The following CDYL2 variants were observed in gnomAD, a reference collection of about 807,000 sequenced individuals.
CDYL2 encodes the protein chromodomain Y like 2.
A neutral mutation model predicts 49.4 loss-of-function variants in CDYL2; 23 were observed. The observed-to-expected ratio is 0.47, with a 90% CI of 0.34 to 0.66. The LOEUF is 0.66. Among genes scored for constraint, CDYL2 ranks in the 30% least tolerant of loss-of-function variants. CDYL2 has a pLI of 0.01. For missense variants in CDYL2, 678 were observed against 656.4 expected (o/e 1.03, Z -0.36); for synonymous variants, 360 against 268.8 (o/e 1.34, Z -3.32).
intron 1 of CDYL2, among the ~76,000 whole-genome samples, chr16:80,752,951 G>C (rs1249793454): frequency 1.3e-5 from 2 of 152,156 alleles, no homozygotes; most frequent in Non-Finnish European, 2.9e-5. Flanking sequence ...AAAGGATGAG[G>C]GGCAACAGAA....
chr16:80,687,428 A>G (rs1910242066), intron 1 of CDYL2, among the ~76,000 whole-genome samples: 2 of 152,004 alleles, frequency 1.3e-5, no homozygotes, highest in African/African-American at 4.8e-5. Flanking sequence ...ATGAATGGAT[A>G]GATGGATGGT....
intron 1 of CDYL2, among the ~76,000 whole-genome samples, chr16:80,761,902 AG>A (rs1342803895): frequency 1.3e-5 from 2 of 151,200 alleles, no homozygotes; most frequent in African/African-American, 4.9e-5. Context: ...AAAAAAACAA[AG>A]ACTGGCCAGG....
intron 1 of CDYL2, among the ~76,000 whole-genome samples, chr16:80,803,099 C>T (rs986243604): frequency 1.5e-4 from 23 of 152,214 alleles, no homozygotes; most frequent in African/African-American, 4.8e-4. Context: ...CGGCCAACAC[C>T]TCTGAGGCCA....
chr16:80,732,662 C>T (rs1905371229), intron 1 of CDYL2, among the ~76,000 whole-genome samples: 1 of 152,082 alleles, frequency 6.6e-6, no homozygotes, highest in Non-Finnish European at 1.5e-5. Context: ...TTTTAAAATA[C>T]CTGAAATAAC....
intron 2 of CDYL2, among the ~76,000 whole-genome samples, chr16:80,659,003 A>C (rs1908924559): frequency 6.6e-6 from 1 of 152,208 alleles, no homozygotes; most frequent in Non-Finnish European, 1.5e-5. Flanking sequence ...ATAGATTATA[A>C]ACTGTCACAT....
At chr16:80,653,045 T>C (rs943665476) in intron 2 of CDYL2, among the ~76,000 whole-genome samples, 4 of 152,256 alleles carry the variant, frequency 2.6e-5, no homozygotes, top group African/African-American at 9.6e-5. Context: ...GAATACCGGT[T>C]CACCAGTTTC....
rs749195315 is a variant in CDYL2, at chr16:80,679,663, C to G, written c.616+4875G>C. 4 of 455,654 alleles carry G rather than the reference C, an allele frequency of 8.8e-6. No individual in the cohort carries two copies. In the Admixed American group the frequency reaches 9.4e-5, roughly 11 times the overall value. 28.2% of individuals were successfully genotyped at this position (455,654 alleles called of 1,614,324 possible). A position where few individuals can be genotyped will look rare whatever the true frequency, so the allele number is the denominator to read the frequency against. On this transcript the variant is annotated intron_variant, in intron 2 of 6. Coordinates refer to ENST00000570137, the MANE Select transcript of CDYL2 (RefSeq NM_152342.4). ...TACAGCTTTTCATTTCACAAACTTT[C>G]TCTTTACAAAGTCTTATGAATGCCA...
intron 1 of CDYL2, among the ~76,000 whole-genome samples, chr16:80,758,323 C>A (rs538688327): frequency 6.8e-6 from 1 of 147,370 alleles, no homozygotes; most frequent in East Asian, 2.0e-4. Context: ...ATAATAACTA[C>A]AATAATAAAC....
At chr16:80,677,402 C>A (rs932778420) in intron 2 of CDYL2, among the ~76,000 whole-genome samples, 2 of 152,148 alleles carry the variant, frequency 1.3e-5, no homozygotes, top group African/African-American at 4.8e-5. Flanking sequence ...GAGTTAGTCA[C>A]AGCGTTTCAG....
At chr16:80,646,656 G>A (rs1908358958) in intron 2 of CDYL2, among the ~76,000 whole-genome samples, 1 of 152,114 alleles carries the variant, frequency 6.6e-6, no homozygotes, top group African/African-American at 2.4e-5. Flanking sequence ...GGGCAGAGTG[G>A]CGTGTGCCTG....
At chr16:80,760,563 T>C (rs1015842477) in intron 1 of CDYL2, among the ~76,000 whole-genome samples, 7 of 152,134 alleles carry the variant, frequency 4.6e-5, no homozygotes, top group African/African-American at 1.7e-4. Context: ...TGATTACACA[T>C]TGCATGCCTG....
intron 1 of CDYL2, 141 bp downstream of exon 1, chr16:80,804,009 C>G (rs1433423286): frequency 2.4e-6 from 1 of 424,004 alleles, no homozygotes; most frequent in African/African-American, 2.3e-5. Flanking sequence ...CCGCCACCCT[C>G]CGGCCGCCGC....
chr16:80,682,619 G>C (rs1321057415), intron 2 of CDYL2, among the ~76,000 whole-genome samples: 1 of 152,148 alleles, frequency 6.6e-6, no homozygotes, highest in African/African-American at 2.4e-5. Flanking sequence ...TTTACTCTTG[G>C]GATTGCCCCA....
chr16:80,631,425 G>A (rs918425775), intron 3 of CDYL2, among the ~76,000 whole-genome samples: 3 of 152,148 alleles, frequency 2.0e-5, no homozygotes, highest in Admixed American at 6.5e-5. Context: ...CTCCTGCCAT[G>A]TACCCTGTAT....
intron 2 of CDYL2, among the ~76,000 whole-genome samples, chr16:80,634,552 G>C (rs951627628): frequency 6.6e-6 from 1 of 152,138 alleles, no homozygotes; most frequent in Non-Finnish European, 1.5e-5. Flanking sequence ...TGTAAATGAA[G>C]AGTTAATGGG....
At chr16:80,723,072 T>C (rs1905052678) in intron 1 of CDYL2, among the ~76,000 whole-genome samples, 1 of 152,212 alleles carries the variant, frequency 6.6e-6, no homozygotes, top group African/African-American at 2.4e-5. Flanking sequence ...GGGCGCTTTC[T>C]ACAGTCCCTG....
intron 1 of CDYL2, among the ~76,000 whole-genome samples, chr16:80,762,973 G>C (rs962362234): frequency 6.6e-5 from 10 of 152,144 alleles, no homozygotes; most frequent in African/African-American, 2.2e-4. Context: ...TGTCTTTAAA[G>C]AGAAACACAC....
chr16:80,688,749 C>CAATTCAGG (rs1482368470), intron 1 of CDYL2, among the ~76,000 whole-genome samples: 1 of 152,192 alleles, frequency 6.6e-6, no homozygotes, highest in Non-Finnish European at 1.5e-5. Flanking sequence ...GCACCTCAAA[C>CAATTCAGG]AGAACCTGAA....
At chr16:80,782,311 T>C (rs1021252486) in intron 1 of CDYL2, among the ~76,000 whole-genome samples, 2 of 151,750 alleles carry the variant, frequency 1.3e-5, no homozygotes, top group Admixed American at 6.6e-5. Context: ...AAAATCTGAA[T>C]AGATCTGTAA....
Sources: gnomAD v4.1 joint callset for allele counts (sites outside exome capture counted in the v4.1 genomes callset) on GRCh38, gnomAD v4.1.1 for gene constraint, MANE v1.5 for transcripts, NCBI Gene and HGNC (gene_info 2026-07-23, HGNC 2026-07-21) for gene names.